Variants in DOCK8 observed in about 807,000 individuals in gnomAD.
The protein encoded by DOCK8 is dedicator of cytokinesis protein 8.
DOCK8 carries 141 observed loss-of-function variants against 245.6 expected under a neutral mutation model. The observed-to-expected ratio is 0.57, with a 90% CI of 0.50 to 0.66. DOCK8 has a LOEUF of 0.66. Among genes scored for constraint, DOCK8 ranks in the 30% least tolerant of loss-of-function variants. The pLI is 0.00. For missense variants in DOCK8, 2,965 were observed against 2,603.4 expected, an observed-to-expected ratio of 1.14 and a Z score of -3.02; for synonymous variants, 1,168 against 970.2, an observed-to-expected ratio of 1.20 and a Z score of -3.79.
chr9:350,810 C>T (rs1185582038), intron 14 of DOCK8, among the ~76,000 whole-genome samples: 1 of 152,170 alleles, frequency 6.6e-6, no homozygotes, highest in Non-Finnish European at 1.5e-5. Flanking sequence ...AGAGGAATTA[C>T]TGAAGGGGGA....
intron 25 of DOCK8, among the ~76,000 whole-genome samples, chr9:398,814 C>CA (rs374885638): frequency 3.2e-4 from 42 of 129,514 alleles, no homozygotes; most frequent in South Asian, 1.4e-3. Flanking sequence ...AAAATAGTTA[C>CA]AAAAAAAAAA....
At chr9:264,141 G>T (rs1457090687) in intron 1 of DOCK8, among the ~76,000 whole-genome samples, 2 of 152,152 alleles carry the variant, frequency 1.3e-5, no homozygotes, top group African/African-American at 4.8e-5. Flanking sequence ...ACACTAAATG[G>T]TTACAGGTGT....
chr9:411,368 A>G (rs1027970737), intron 28 of DOCK8, among the ~76,000 whole-genome samples: 1 of 152,114 alleles, frequency 6.6e-6, no homozygotes, highest in African/African-American at 2.4e-5. Context: ...AGCCAAGATC[A>G]TGCCAATGCA....
chr9:319,975 A>C (rs913273727), intron 7 of DOCK8, among the ~76,000 whole-genome samples: 1 of 152,260 alleles, frequency 6.6e-6, no homozygotes, highest in African/African-American at 2.4e-5. Flanking sequence ...AGGACCTTCC[A>C]TAACAATCTC....
At chr9:434,557 C>A (rs185500039) in intron 38 of DOCK8, among the ~76,000 whole-genome samples, 120 of 151,986 alleles carry the variant, frequency 7.9e-4, no homozygotes, top group African/African-American at 2.8e-3. Context: ...AAGGCTTTTA[C>A]TAAGTACTAT....
intron 1 of DOCK8, among the ~76,000 whole-genome samples, chr9:264,727 C>T (rs1425487121): frequency 6.6e-6 from 1 of 152,114 alleles, no homozygotes; most frequent in African/African-American, 2.4e-5. Flanking sequence ...TTTAAAAGTG[C>T]ACTTTACTAA....
intron 43 of DOCK8, among the ~76,000 whole-genome samples, chr9:445,024 T>A (rs1464443922): frequency 6.6e-6 from 1 of 152,200 alleles, no homozygotes; most frequent in African/African-American, 2.4e-5. Context: ...AGGGGAAGAA[T>A]TGGCCAAATT....
intron 21 of DOCK8, 24 bp from the exon 22 acceptor site, chr9:382,489 A>G: frequency 1.9e-6 from 3 of 1,613,120 alleles, no homozygotes; most frequent in Non-Finnish European, 2.5e-6. Context: ...GTCTGTTGAC[A>G]TGTCTCTGCC....
intron 46 of DOCK8, among the ~76,000 whole-genome samples, chr9:463,000 T>C (rs1267752827): frequency 7.2e-5 from 11 of 152,194 alleles, no homozygotes; most frequent in African/African-American, 2.4e-4. Flanking sequence ...AGATAATGCA[T>C]GTAAAACTTC....
At chr9:219,278 T>C (rs901231345) in intron 1 of DOCK8, among the ~76,000 whole-genome samples, 1 of 152,126 alleles carries the variant, frequency 6.6e-6, no homozygotes, top group African/African-American at 2.4e-5. Context: ...AAGACCGGCC[T>C]GGCCAACATG....
intron 1 of DOCK8, among the ~76,000 whole-genome samples, chr9:261,997 GAGAAAGAA>G (rs149792134): frequency 0.16 from 23,494 of 146,764 alleles, 2,098 homozygotes; most frequent in East Asian, 0.39. Flanking sequence ...AAGAAAGAAG[GAGAAAGAA>G]AGAAAGAAAG....
intron 27 of DOCK8, among the ~76,000 whole-genome samples, chr9:406,164 A>G (rs1394807356): frequency 6.6e-6 from 1 of 152,226 alleles, no homozygotes; most frequent in African/African-American, 2.4e-5. Flanking sequence ...GTTCCAGGCC[A>G]GCAAAAGTCT....
rs1563981807 is a variant in DOCK8, at chr9:376,196, T to TC, written c.2110-13dup. The TC allele has an allele frequency of 1.9e-6, 3 of 1,573,654 alleles. No individual in the cohort carries two copies. The highest frequency in any genetic ancestry group is 1.1e-5 in the South Asian group (1 of 90,216). ...AATTGGATTGCTAATCTTTTTTTTT[T>TC]CTCTTTAACACAGAAAGTCCCATTA... On this transcript the variant is annotated splice_polypyrimidine_tract_variant and intron_variant, in intron 18 of 47. Transcript: ENST00000432829.
At chr9:220,717 C>CTTTTTTT (rs3046368) in intron 1 of DOCK8, 8 of 360,476 alleles carry the variant, frequency 2.2e-5, no homozygotes, top group Middle Eastern at 9.6e-4. Flanking sequence ...TAATTTCTTT[C>CTTTTTTT]TTTTTTTTTT....
chr9:304,719 C>G lies in DOCK8; in HGVS notation c.528+15C>G, dbSNP rs754739515. On this transcript the variant is annotated intron_variant, in intron 5 of 47. Transcript: ENST00000432829. ...CCGCTGCTCAGGTATTTCCTGTCAA[C>G]AAACATGGTTACCAGGTTACTGGGC... 2 of 1,614,114 alleles carry G rather than the reference C, an allele frequency of 1.2e-6. No homozygotes were observed. The highest frequency in any genetic ancestry group is 2.2e-5 in the East Asian group (1 of 44,880).
At chr9:311,756 A>C (rs751600131) in intron 5 of DOCK8, among the ~76,000 whole-genome samples, 198 bp from the exon 6 acceptor site, 1 of 152,220 alleles carries the variant, frequency 6.6e-6, no homozygotes, top group Non-Finnish European at 1.5e-5. Flanking sequence ...GGTGAGAAGA[A>C]GACATTTAAT....
intron 24 of DOCK8, among the ~76,000 whole-genome samples, chr9:391,708 A>G (rs746853237): frequency 6.6e-6 from 1 of 152,158 alleles, no homozygotes; most frequent in Admixed American, 6.5e-5. Flanking sequence ...ATAGACACCA[A>G]CTATATAAAA....
intron 14 of DOCK8, among the ~76,000 whole-genome samples, chr9:352,722 CA>C (rs576756106): frequency 0.019 from 2,490 of 132,204 alleles, 75 homozygotes; most frequent in African/African-American, 0.065. Flanking sequence ...AGTCCAGTGA[CA>C]GTGTGAGACT....
intron 33 of DOCK8, 93 bp downstream of exon 33, chr9:422,228 C>A: frequency 1.9e-6 from 2 of 1,034,498 alleles, no homozygotes; most frequent in Non-Finnish European, 3.0e-6. Flanking sequence ...TGCATCCTTC[C>A]AAGGGTTAGA....
Sources: gnomAD v4.1 joint callset for allele counts (sites outside exome capture counted in the v4.1 genomes callset) on GRCh38, gnomAD v4.1.1 for gene constraint, MANE v1.5 for transcripts, NCBI Gene and HGNC (gene_info 2026-07-23, HGNC 2026-07-21) for gene names.